RTN1: variants seen among roughly 807,000 people sequenced by gnomAD.
RTN1 encodes the protein reticulon 1.
A neutral mutation model predicts 65.5 loss-of-function variants in RTN1; 25 were observed. The observed-to-expected ratio is 0.38, with a 90% CI of 0.28 to 0.53. The LOEUF is 0.53. Ranked by LOEUF, RTN1 falls within the 20% of genes least tolerant of loss-of-function variation. RTN1 has a pLI of 0.79. For synonymous variants in RTN1, 471 were observed against 447.6 expected (o/e 1.05, Z -0.66); for missense variants, 983 against 1,025.4 (o/e 0.96, Z 0.57).
chr14:59,819,048 T>C (rs1468680724), intron 1 of RTN1, among the ~76,000 whole-genome samples: 1 of 152,084 alleles, frequency 6.6e-6, no homozygotes, highest in African/African-American at 2.4e-5. Context: ...CAGTGAGTGT[T>C]ACAGTTCATA....
chr14:59,833,345 T>C (rs1887159076), intron 1 of RTN1, among the ~76,000 whole-genome samples: 2 of 152,188 alleles, frequency 1.3e-5, no homozygotes, highest in Admixed American at 1.3e-4. Flanking sequence ...AATGAATTCC[T>C]ATGGGCGATA....
intron 6 of RTN1, 85 bp downstream of exon 6, chr14:59,603,767 A>T: frequency 1.9e-6 from 2 of 1,065,274 alleles, no homozygotes; most frequent in Non-Finnish European, 2.8e-6. Flanking sequence ...GAATCTCTTT[A>T]AACAAACAAA....
intron 2 of RTN1, among the ~76,000 whole-genome samples, chr14:59,738,651 G>A (rs373727759): frequency 6.6e-6 from 1 of 152,280 alleles, no homozygotes; most frequent in African/African-American, 2.4e-5. Context: ...CCATTACTGG[G>A]TATATACCCA....
intron 1 of RTN1, among the ~76,000 whole-genome samples, chr14:59,801,027 T>A (rs1886536883): frequency 6.6e-6 from 1 of 151,432 alleles, no homozygotes; most frequent in East Asian, 1.9e-4. Flanking sequence ...GATAAATAAC[T>A]AGAAATTGTC....
chr14:59,615,985 T>A (rs922031549), intron 3 of RTN1, among the ~76,000 whole-genome samples: 3 of 152,158 alleles, frequency 2.0e-5, no homozygotes, highest in Non-Finnish European at 4.4e-5. Flanking sequence ...TAACCAGTAT[T>A]TTAAACCTTT....
At chr14:59,658,060 G>A (rs1044667257) in intron 3 of RTN1, among the ~76,000 whole-genome samples, 1 of 152,230 alleles carries the variant, frequency 6.6e-6, no homozygotes, top group African/African-American at 2.4e-5. Context: ...TTGGTGGGGG[G>A]AGGGGCATCC....
At chr14:59,806,775 G>C (rs1886646885) in intron 1 of RTN1, among the ~76,000 whole-genome samples, 1 of 152,216 alleles carries the variant, frequency 6.6e-6, no homozygotes, top group African/African-American at 2.4e-5. Context: ...CTCCATCCAT[G>C]TTCCTGCAAA....
intron 3 of RTN1, among the ~76,000 whole-genome samples, chr14:59,693,189 G>A (rs1275240258): frequency 1.3e-5 from 2 of 152,184 alleles, no homozygotes; most frequent in African/African-American, 2.4e-5. Flanking sequence ...AAGCCACCCA[G>A]TCTATGGTAT....
intron 1 of RTN1, among the ~76,000 whole-genome samples, chr14:59,862,620 T>C (rs898938410): frequency 6.6e-5 from 10 of 152,208 alleles, no homozygotes; most frequent in African/African-American, 2.4e-4. Context: ...CAAGCATCTA[T>C]ATACTGCCTT....
intron 1 of RTN1, among the ~76,000 whole-genome samples, chr14:59,749,704 T>C (rs1223796414): frequency 1.2e-5 from 1 of 82,384 alleles, no homozygotes; most frequent in Non-Finnish European, 2.1e-5. Flanking sequence ...TATATCTATA[T>C]ATATCTATAT....
At position 59,826,400 on chromosome 14, in the gene RTN1, A is replaced by G. The variant is rs561958645; in HGVS notation, c.241+43990T>C. ...ATACTTGGCACATTGTAAGCACTCC[A>G]TACCTGTTAATGAGTATTGTCCTGG... On this transcript the variant is annotated intron_variant, in intron 1 of 8. Coordinates refer to ENST00000267484, the MANE Select transcript of RTN1 (RefSeq NM_021136.3). 2.0e-5 allele frequency among the ~76,000 whole-genome samples: 3 copies of G among 152,326 alleles called. No individual in the cohort carries two copies. The South Asian group carries it at 6.2e-4, about 32-fold the overall frequency.
At chr14:59,638,291 T>A (rs962095173) in intron 3 of RTN1, among the ~76,000 whole-genome samples, 1 of 152,240 alleles carries the variant, frequency 6.6e-6, no homozygotes, top group Non-Finnish European at 1.5e-5. Flanking sequence ...GTGACCAGGT[T>A]CATGGTCAAT....
intron 1 of RTN1, among the ~76,000 whole-genome samples, chr14:59,858,781 C>T (rs1006442048): frequency 3.9e-5 from 6 of 152,068 alleles, no homozygotes; most frequent in African/African-American, 1.4e-4. Context: ...AGGAAAGGAT[C>T]GTATGATGCT....
chr14:59,814,748 C>T (rs1167274321), intron 1 of RTN1, among the ~76,000 whole-genome samples: 3 of 152,128 alleles, frequency 2.0e-5, no homozygotes, highest in African/African-American at 7.2e-5. Context: ...TGATTTTAGG[C>T]TACTACAAGC....
intron 3 of RTN1, among the ~76,000 whole-genome samples, chr14:59,654,415 C>T (rs1421133951): frequency 5.6e-5 from 7 of 124,190 alleles, no homozygotes; most frequent in Non-Finnish European, 1.1e-4. Context: ...GGTGACAGAG[C>T]GAGACTCTGT....
At chr14:59,800,931 G>A (rs556564364) in intron 1 of RTN1, among the ~76,000 whole-genome samples, 1 of 151,694 alleles carries the variant, frequency 6.6e-6, no homozygotes, top group African/African-American at 2.4e-5. Flanking sequence ...TGTAAATGCT[G>A]GAAATAAAAG....
intron 1 of RTN1, among the ~76,000 whole-genome samples, chr14:59,781,648 C>T (rs954691146): frequency 1.3e-5 from 2 of 152,044 alleles, no homozygotes; most frequent in African/African-American, 4.8e-5. Context: ...GAATAGTTTC[C>T]ATGTACCCTT....
At chr14:59,731,831 T>C (rs1884903691) in intron 2 of RTN1, among the ~76,000 whole-genome samples, 1 of 152,200 alleles carries the variant, frequency 6.6e-6, no homozygotes, top group Non-Finnish European at 1.5e-5. Flanking sequence ...ATATGAAATG[T>C]TGGTCTCCCC....
chr14:59,828,826 A>G (rs1466606880), intron 1 of RTN1, among the ~76,000 whole-genome samples: 1 of 152,236 alleles, frequency 6.6e-6, no homozygotes, highest in Non-Finnish European at 1.5e-5. Context: ...TCTTAACTCA[A>G]AAGATACATA....
Sources: allele counts gnomAD v4.1 joint callset (sites outside exome capture counted in the v4.1 genomes callset), GRCh38; gene constraint gnomAD v4.1.1; transcripts MANE v1.5; gene names NCBI Gene and HGNC (gene_info 2026-07-23, HGNC 2026-07-21).